Variants in GNA13 observed in about 807,000 individuals in gnomAD.
The protein encoded by GNA13 is guanine nucleotide-binding protein subunit alpha-13.
Under a neutral mutation model 33.5 loss-of-function variants are expected in GNA13, and 4 were observed. The ratio of observed to expected loss-of-function variants is 0.12; its 90% confidence interval spans 0.06 to 0.27. GNA13 has a LOEUF of 0.27. Ranked by LOEUF, GNA13 falls within the 10% of genes least tolerant of loss-of-function variation. GNA13 has a pLI of 1.00. For missense variants in GNA13, 319 were observed against 487.2 expected, an observed-to-expected ratio of 0.65 and a Z score of 3.25; for synonymous variants, 176 against 183.8, an observed-to-expected ratio of 0.96 and a Z score of 0.34.
chr17:65,036,678 C>G (rs1325933787), intron 2 of GNA13, among the ~76,000 whole-genome samples: 1 of 152,170 alleles, frequency 6.6e-6, no homozygotes, highest in Non-Finnish European at 1.5e-5. Flanking sequence ...TGCACTCCAG[C>G]CTGGGTGAAA....
In GNA13 at chr17:65,011,745, T is replaced by G. The variant is rs1906196614; in HGVS notation, c.*2512A>C. ...GAAAATCAAATACATCAAAGAACTT[T>G]AAATCTAAATTACTTTTTTAGAGAC... is the stretch of plus-strand genomic sequence containing the variant. On this transcript the variant is annotated 3_prime_UTR_variant, in exon 4 of 4. Coordinates refer to ENST00000439174, the MANE Select transcript of GNA13 (RefSeq NM_006572.6). The G allele has an allele frequency of 4.4e-6, 1 of 228,010 alleles. No homozygotes were observed. The highest frequency in any genetic ancestry group is 8.7e-6 in the Non-Finnish European group (1 of 114,860). The allele number at this position is 228,010 out of a possible 1,614,324, so 14.1% of individuals were successfully genotyped here.
At position 65,023,328 on chromosome 17, in the gene GNA13, G is replaced by C. The variant is rs1402471706; in HGVS notation, c.511-5025C>G. ...GAATTTAACACGCTCCTGTGAACCT[G>C]ACCATCAGCAGGTCATGAGTTTCTG... On this transcript the variant is annotated intron_variant, in intron 2 of 3. Transcript: ENST00000439174. 2.6e-5 allele frequency among the ~76,000 whole-genome samples: 4 copies of C among 152,208 alleles called. No individual in the cohort carries two copies. In the East Asian group the frequency reaches 7.7e-4, roughly 29 times the overall value.
intron 3 of GNA13, among the ~76,000 whole-genome samples, chr17:65,015,046 C>T (rs151000492): frequency 2.0e-5 from 3 of 151,734 alleles, no homozygotes; most frequent in East Asian, 2.0e-4. Flanking sequence ...GCAGGAGGAT[C>T]GCTTGCGAAG....
rs1359567962 is a variant in GNA13, at chr17:65,012,448, C to T, written c.*1809G>A. 4 of 220,686 alleles carry T rather than the reference C, an allele frequency of 1.8e-5. No homozygotes were observed. Among genetic ancestry groups the T allele is most frequent in the African/African-American group, 6.7e-5 (3 of 44,588 alleles). 13.7% of individuals were successfully genotyped at this position (220,686 alleles called of 1,614,324 possible). On this transcript the variant is annotated 3_prime_UTR_variant, in exon 4 of 4. Coordinates refer to ENST00000439174, the MANE Select transcript of GNA13 (RefSeq NM_006572.6). ...CACTAGATGTAGAACTATTCAAACA[C>T]GCATGAATGATACCATGATACCACG...
intron 2 of GNA13, among the ~76,000 whole-genome samples, chr17:65,044,636 T>A (rs1598497159): frequency 1.3e-5 from 2 of 148,902 alleles, no homozygotes; most frequent in Admixed American, 6.7e-5. Context: ...ACCCCATCTC[T>A]TAAAAAAAAG....
In GNA13 at chr17:65,012,131, G is replaced by A. The variant is rs1403076018; in HGVS notation, c.*2126C>T. On this transcript the variant is annotated 3_prime_UTR_variant, in exon 4 of 4. Coordinates refer to ENST00000439174, the MANE Select transcript of GNA13 (RefSeq NM_006572.6). ...CTATTTGGTGTTTCAACACTTCTTG[G>A]TGGTAATTCAAAAGGGGGAAACTTG... 2 of 225,012 alleles carry A rather than the reference G, an allele frequency of 8.9e-6. No individual in the cohort carries two copies. Among genetic ancestry groups the A allele is most frequent in the Non-Finnish European group, 1.8e-5 (2 of 112,982 alleles). The allele number at this position is 225,012 out of a possible 1,614,324, so 13.9% of individuals were successfully genotyped here. A position where few individuals can be genotyped will look rare whatever the true frequency, so the allele number is the denominator to read the frequency against.
chr17:65,032,732 G>A lies in GNA13; in HGVS notation c.511-14429C>T, dbSNP rs181644210. On this transcript the variant is annotated intron_variant, in intron 2 of 3. Coordinates refer to ENST00000439174, the MANE Select transcript of GNA13 (RefSeq NM_006572.6). The stretch of plus-strand genomic sequence containing the variant: ...TTTCATTTTGCTTGGTTGTCACACG[G>A]GACCTATTCTATTGGTCTTTATCTT... Among the ~76,000 whole-genome samples the A allele has an allele frequency of 4.6e-5, 7 of 152,086 alleles. No homozygotes were observed. In the South Asian group the frequency reaches 8.3e-4, roughly 18 times the overall value.
At chr17:65,029,735 T>G (rs1906933843) in intron 2 of GNA13, among the ~76,000 whole-genome samples, 1 of 152,238 alleles carries the variant, frequency 6.6e-6, no homozygotes, top group African/African-American at 2.4e-5. Context: ...AATTTTACCC[T>G]GTACAGAGCA....
At chr17:65,040,108 C>G (rs76709129) in intron 2 of GNA13, among the ~76,000 whole-genome samples, 2 of 151,498 alleles carry the variant, frequency 1.3e-5, no homozygotes, top group African/African-American at 4.8e-5. Flanking sequence ...AAAAAAGACA[C>G]AGTAAGGCCA....
At chr17:65,044,201 T>C (rs1330083828) in intron 2 of GNA13, among the ~76,000 whole-genome samples, 1 of 152,220 alleles carries the variant, frequency 6.6e-6, no homozygotes, top group Non-Finnish European at 1.5e-5. Flanking sequence ...AAGATTAAGA[T>C]AAATAGCTAC....
Position 65,013,889 on chromosome 17 carries a change from C to T in GNA13, c.*368G>A, listed in dbSNP as rs989426075. The T allele has an allele frequency of 3.8e-6, 1 of 262,102 alleles. No individual in the cohort carries two copies. Among genetic ancestry groups the T allele is most frequent in the East Asian group, 5.5e-5 (1 of 18,084 alleles). 16.2% of individuals were successfully genotyped at this position (262,102 alleles called of 1,614,324 possible). A position where few individuals can be genotyped will look rare whatever the true frequency, so the allele number is the denominator to read the frequency against. ...TTTTGGAACTGAATATTCCTAACCT[C>T]ATCCCTACAAGTATTTAAGGACACC... On this transcript the variant is annotated 3_prime_UTR_variant, in exon 4 of 4. Coordinates refer to ENST00000439174, the MANE Select transcript of GNA13 (RefSeq NM_006572.6).
chr17:65,009,611 T>C lies in GNA13; in HGVS notation c.*4646A>G, dbSNP rs1370293118. On this transcript the variant is annotated 3_prime_UTR_variant, in exon 4 of 4. Transcript: ENST00000439174. ...TTTTATAGAGCTAATACGAGTCATGTTTTGTTAGGTACAGTATCTACGGGG... is the reference window on the plus strand; with the variant it reads ...TTTTATAGAGCTAATACGAGTCATGCTTTGTTAGGTACAGTATCTACGGGG... Among the ~76,000 whole-genome samples the C allele has an allele frequency of 1.6e-4, 24 of 152,206 alleles. No homozygotes were observed. Among genetic ancestry groups the C allele is most frequent in the Non-Finnish European group, 1.5e-5 (1 of 68,034 alleles).
intron 2 of GNA13, among the ~76,000 whole-genome samples, chr17:65,041,323 T>A (rs1907445407): frequency 6.6e-6 from 1 of 151,982 alleles, no homozygotes; most frequent in Non-Finnish European, 1.5e-5. Context: ...GAGAGTGAGG[T>A]GGTATAGAAG....
intron 2 of GNA13, among the ~76,000 whole-genome samples, chr17:65,033,555 T>C (rs1907131379): frequency 6.6e-6 from 1 of 152,028 alleles, no homozygotes; most frequent in Admixed American, 6.6e-5. Flanking sequence ...CAGTCATGCC[T>C]TTCTGTTTAG....
intron 2 of GNA13, among the ~76,000 whole-genome samples, chr17:65,050,464 C>T (rs1330989203): frequency 3.3e-5 from 5 of 152,210 alleles, no homozygotes; most frequent in African/African-American, 7.2e-5. Context: ...CACAGTGGTT[C>T]ATGCCTATAA....
chr17:65,023,981 G>A (rs890711652), intron 2 of GNA13, among the ~76,000 whole-genome samples: 5 of 152,212 alleles, frequency 3.3e-5, no homozygotes, highest in African/African-American at 1.2e-4. Context: ...GGCTGGCACG[G>A]TGGCTCACAC....
chr17:65,056,217 C>T, intron 1 of GNA13, 94 bp downstream of exon 1: 1 of 1,081,752 alleles, frequency 9.2e-7, no homozygotes, highest in Non-Finnish European at 1.3e-6. Flanking sequence ...CCTTCGCCAG[C>T]GACACAGCGG....
chr17:65,037,778 G>A (rs4790964), intron 2 of GNA13, among the ~76,000 whole-genome samples: 95,204 of 99,138 alleles, frequency 0.96, 45,800 homozygotes, highest in East Asian at 0.99. Flanking sequence ...TACAAAAATG[G>A]AAAAAAAAAA....
chr17:65,018,092 T>TAAAAAAAAAAAAAAAAAAAAA (rs767082596), intron 3 of GNA13, among the ~76,000 whole-genome samples, 161 bp downstream of exon 3: 1 of 21,474 alleles, frequency 4.7e-5, no homozygotes, highest in African/African-American at 1.4e-4. Context: ...ACGCCACCAC[T>TAAAAAAAAAAAAAAAAAAAAA]AAAAAAAAAA....
Sources: gnomAD v4.1 joint callset for allele counts (sites outside exome capture counted in the v4.1 genomes callset) on GRCh38, gnomAD v4.1.1 for gene constraint, MANE v1.5 for transcripts, NCBI Gene and HGNC (gene_info 2026-07-23, HGNC 2026-07-21) for gene names.